Variants in FXYD5 observed in about 807,000 individuals in gnomAD.
FXYD5 encodes the protein FXYD domain containing ion transport regulator 5, also known as FXYD domain-containing ion transport regulator 5.
Under a neutral mutation model 25.7 loss-of-function variants are expected in FXYD5, and 21 were observed. The ratio of observed to expected loss-of-function variants is 0.82; its 90% confidence interval spans 0.58 to 1.18. The LOEUF (loss-of-function observed/expected upper bound fraction) is 1.18. Among genes scored for constraint, FXYD5 ranks in the 50% most tolerant of loss-of-function variants. The pLI is 0.00. For missense variants in FXYD5, 229 were observed against 227.7 expected (o/e 1.01, Z -0.04); for synonymous variants, 101 against 90.7 (o/e 1.11, Z -0.64).
intron 2 of FXYD5, among the ~76,000 whole-genome samples, chr19:35,156,102 G>A (rs1283389304): frequency 6.6e-6 from 1 of 152,210 alleles, no homozygotes; most frequent in Non-Finnish European, 1.5e-5. Flanking sequence ...TGTGGTGTGT[G>A]TTAGGTCAGT....
chr19:35,167,475 A>G (rs1434899377), intron 8 of FXYD5, among the ~76,000 whole-genome samples: 1 of 152,178 alleles, frequency 6.6e-6, no homozygotes, highest in East Asian at 1.9e-4. Flanking sequence ...GTCTCCTGCC[A>G]ATGCTTAACC....
In FXYD5 at chr19:35,169,771, C is replaced by T. The variant is rs146882632; in HGVS notation, c.*156C>T. ...TGGAGCCAGGGCTGCCGGTCCGAGTCTCCTACCTCCCCCAACCCTGCCCGC... is the reference window on the plus strand; with the variant it reads ...TGGAGCCAGGGCTGCCGGTCCGAGTTTCCTACCTCCCCCAACCCTGCCCGC... On this transcript the variant is annotated 3_prime_UTR_variant, in exon 9 of 9. Coordinates refer to ENST00000392219, the MANE Select transcript of FXYD5 (RefSeq NM_014164.6). 6.2e-3 allele frequency: 3,924 copies of T among 632,068 alleles called. 17 individuals are homozygous for T. Among genetic ancestry groups the T allele is most frequent in the Middle Eastern group, 0.026 (61 of 2,370 alleles). The allele number at this position is 632,068 out of a possible 1,614,324, so 39.2% of individuals were successfully genotyped here.
chr19:35,156,083 T>C (rs958621028), intron 2 of FXYD5, among the ~76,000 whole-genome samples: 5 of 152,192 alleles, frequency 3.3e-5, no homozygotes, highest in African/African-American at 1.2e-4. Context: ...GTTCTTTCTG[T>C]GTGGCAGGTG....
At position 35,160,697 on chromosome 19, in the gene FXYD5, T is replaced by C. The variant is rs1177821796; in HGVS notation, c.200-12T>C. On this transcript the variant is annotated splice_polypyrimidine_tract_variant and intron_variant, in intron 4 of 8. Transcript: ENST00000392219. ...TCTTATCCTTCCCTCCTTGCTCTCC[T>C]GACCTGAATAGAAACACCACAACCC... The C allele has an allele frequency of 2.5e-6, 4 of 1,593,020 alleles. No homozygotes were observed. Among genetic ancestry groups the C allele is most frequent in the Non-Finnish European group, 3.4e-6 (4 of 1,161,078 alleles).
At chr19:35,163,790 AG>A (rs1286054786) in intron 5 of FXYD5, among the ~76,000 whole-genome samples, 2 of 152,048 alleles carry the variant, frequency 1.3e-5, no homozygotes, top group African/African-American at 4.8e-5. Flanking sequence ...GCCAATATTC[AG>A]AATGTTTTAC....
At chr19:35,167,501 C>G (rs10419853) in intron 8 of FXYD5, among the ~76,000 whole-genome samples, 3,992 of 152,262 alleles carry the variant, frequency 0.026, 184 homozygotes, top group African/African-American at 0.091. Flanking sequence ...GCAAGGGGCC[C>G]AGGGCCCCAT....
Position 35,159,689 on chromosome 19 carries a change from C to T in FXYD5, c.200-1020C>T, listed in dbSNP as rs1374562211. On this transcript the variant is annotated intron_variant, in intron 4 of 8. Coordinates refer to ENST00000392219, the MANE Select transcript of FXYD5 (RefSeq NM_014164.6). ...GCTGGTCATGGTTCTAAATATTTTG[C>T]GTATGTTAACTCATTCAACCTTCAC... 7.3e-6 allele frequency: 11 copies of T among 1,507,032 alleles called. No homozygotes were observed. The East Asian group carries it at 7.6e-5, about 10-fold the overall frequency. The allele number at this position is 1,507,032 out of a possible 1,614,324, so 93.4% of individuals were successfully genotyped here. A position where few individuals can be genotyped will look rare whatever the true frequency, so the allele number is the denominator to read the frequency against.
intron 5 of FXYD5, chr19:35,163,888 C>CT: frequency 1.0e-6 from 1 of 995,452 alleles, no homozygotes; most frequent in South Asian, 1.9e-5. Context: ...TAGTGTGGGC[C>CT]AGAAGGTCCT....
chr19:35,164,219 C>A lies in FXYD5; in HGVS notation c.356C>A (p.Thr119Lys). ...CCATCCCCAAGCACAGACGTCCAGACAGACCCCCAGACCCTCAAGCCATCT... is the reference window on the plus strand; with the variant it reads ...CCATCCCCAAGCACAGACGTCCAGAAAGACCCCCAGACCCTCAAGCCATCT... ...ERPSPSTDVQ[T>K]DPQTLKPSGF... The change falls in exon 6 of 9, where the codon ACA (threonine) becomes AAA (lysine). Residue 119 changes from threonine (T) to lysine (K), a missense_variant. Thr to Lys is a moderately conservative substitution (Grantham distance 78, BLOSUM62 -1). Transcript: ENST00000392219. The A allele has an allele frequency of 6.2e-7, 1 of 1,612,834 alleles. No individual in the cohort carries two copies. The highest frequency in any genetic ancestry group is 1.1e-5 in the South Asian group (1 of 90,896).
chr19:35,164,414 T>G (rs572825128), intron 6 of FXYD5, among the ~76,000 whole-genome samples, 169 bp downstream of exon 6: 128 of 152,288 alleles, frequency 8.4e-4, no homozygotes, highest in African/African-American at 3.0e-3. Flanking sequence ...TCTGAATAGA[T>G]AAGTGAATGC....
Position 35,169,567 on chromosome 19 carries a change from T to C in FXYD5, c.489T>C (p.Ser163=). The stretch of plus-strand genomic sequence containing the variant: ...CTGAATCATTTCCTTCACCCACAGG[T>C]GGCAAGTGCAGGCAGCTGTCCCGGT... The part of the protein sequence containing the change: ...LFITGIIILT[S]GKCRQLSRLC... The change falls in exon 9 of 9, where the codon AGT becomes AGC. Residue 163 remains serine (S), a splice_region_variant and synonymous_variant. Transcript: ENST00000392219. 5 of 1,607,426 alleles carry C rather than the reference T, an allele frequency of 3.1e-6. No homozygotes were observed. The South Asian group carries it at 5.5e-5, about 18-fold the overall frequency.
chr19:35,169,054 C>T, intron 8 of FXYD5, among the ~76,000 whole-genome samples: 1 of 127,656 alleles, frequency 7.8e-6, no homozygotes, highest in East Asian at 2.2e-4. Flanking sequence ...CACAGCAAGA[C>T]TCTGTCTCAA....
chr19:35,156,011 A>G (rs1195671634), intron 2 of FXYD5, among the ~76,000 whole-genome samples: 1 of 152,230 alleles, frequency 6.6e-6, no homozygotes, highest in African/African-American at 2.4e-5. Flanking sequence ...AGAGTTGGCA[A>G]CATCTCAGCC....
intron 8 of FXYD5, among the ~76,000 whole-genome samples, chr19:35,168,186 C>A (rs1490678667): frequency 6.6e-6 from 1 of 152,104 alleles, no homozygotes; most frequent in Non-Finnish European, 1.5e-5. Flanking sequence ...TTGTGGGCTC[C>A]TAGTCTGTGC....
chr19:35,155,313 A>G, intron 1 of FXYD5: 1 of 583,898 alleles, frequency 1.7e-6, no homozygotes. Context: ...AGACCCATTT[A>G]TCTCATGCTT....
intron 8 of FXYD5, among the ~76,000 whole-genome samples, chr19:35,168,048 A>G (rs12609891): frequency 0.2 from 30,412 of 151,754 alleles, 3,130 homozygotes; most frequent in East Asian, 0.28. Flanking sequence ...GCAAGACCCT[A>G]TCTCTACACA....
At chr19:35,159,163 G>A (rs1338522985) in intron 4 of FXYD5, among the ~76,000 whole-genome samples, 1 of 150,398 alleles carries the variant, frequency 6.6e-6, no homozygotes, top group Non-Finnish European at 1.5e-5. Flanking sequence ...TTTTTCAATC[G>A]ATGTTTAAAG....
In FXYD5 at chr19:35,169,578, G is replaced by T; in HGVS notation, c.500G>T (p.Arg167Met). 1 of 1,610,778 alleles carries T rather than the reference G, an allele frequency of 6.2e-7. No homozygotes were observed. The highest frequency in any genetic ancestry group is 8.5e-7 in the Non-Finnish European group (1 of 1,176,902). Residue 167 changes from arginine to methionine, a missense_variant, in exon 9 of 9, where the codon AGG becomes ATG. By Grantham distance (91) the Arg-to-Met change is moderately conservative (BLOSUM62 -1). Coordinates refer to ENST00000392219, the MANE Select transcript of FXYD5 (RefSeq NM_014164.6). The stretch of plus-strand genomic sequence containing the variant: ...CCTTCACCCACAGGTGGCAAGTGCA[G>T]GCAGCTGTCCCGGTTATGCCGGAAT... ...GIIILTSGKC[R>M]QLSRLCRNRC...
chr19:35,157,616 A>T, intron 3 of FXYD5, 115 bp downstream of exon 3: 6 of 631,570 alleles, frequency 9.5e-6, no homozygotes, highest in Non-Finnish European at 1.7e-5. Flanking sequence ...GAAAAAGTCC[A>T]GGTACAGACC....
Sources: allele counts gnomAD v4.1 joint callset (sites outside exome capture counted in the v4.1 genomes callset), GRCh38; gene constraint gnomAD v4.1.1; transcripts MANE v1.5; gene names NCBI Gene and HGNC (gene_info 2026-07-23, HGNC 2026-07-21).